KIRREL3: variants seen among roughly 807,000 people sequenced by gnomAD.
The protein encoded by KIRREL3 is kirre like nephrin family adhesion molecule 3, also known as kin of IRRE-like protein 3.
A neutral mutation model predicts 89.7 loss-of-function variants in KIRREL3; 36 were observed. The observed-to-expected ratio is 0.40, with a 90% CI of 0.31 to 0.53. The LOEUF (loss-of-function observed/expected upper bound fraction) is 0.53, where lower values mean the gene tolerates loss of function less well. Ranked by LOEUF, KIRREL3 falls within the 20% of genes least tolerant of loss-of-function variation. The pLI is 0.49. For missense variants in KIRREL3, 864 were observed against 1,056.6 expected (o/e 0.82, Z 2.53); for synonymous variants, 445 against 441.4 (o/e 1.01, Z -0.10).
Position 126,997,118 on chromosome 11 carries a change from G to A in KIRREL3, c.55+3337C>T, listed in dbSNP as rs1177697835. Among the ~76,000 whole-genome samples the A allele has an allele frequency of 6.6e-6, 1 of 152,182 alleles. No individual in the cohort carries two copies. Among genetic ancestry groups the A allele is most frequent in the Non-Finnish European group, 1.5e-5 (1 of 68,034 alleles). On this transcript the variant is annotated intron_variant, in intron 1 of 16. Transcript: ENST00000525144. This position sits in a 1 kb window ranked among gnomAD's most constrained non-coding sequence, Gnocchi z 4.3. ...CCTCCAAGCTACCTAAGCTGTGCAT[G>A]TGCAGGCTGGATGGGATGGGGCTTG... is the stretch of plus-strand genomic sequence containing the variant.
In KIRREL3 at chr11:126,544,059, C is replaced by G. The variant is rs1287763593; in HGVS notation, c.134-17372G>C. On this transcript the variant is annotated intron_variant, in intron 2 of 16. Coordinates refer to ENST00000525144, the MANE Select transcript of KIRREL3 (RefSeq NM_032531.4). The surrounding 1 kb of genome is among the most constrained non-coding windows in gnomAD (Gnocchi z 5.6). Reference sequence around the variant, plus strand: ...CACTCCTGTCTGCTCCCCAGGACAACTCTATTTTCCAGCATGGAGTGCCCC... The same window carrying G: ...CACTCCTGTCTGCTCCCCAGGACAAGTCTATTTTCCAGCATGGAGTGCCCC... The G allele has an allele frequency of 1.3e-5, 2 of 152,322 alleles. No homozygotes were observed. The highest frequency in any genetic ancestry group is 2.4e-5 in the African/African-American group (1 of 41,462). The allele number at this position is 152,322 out of a possible 1,614,324, so 9.4% of individuals were successfully genotyped here.
intron 4 of KIRREL3, among the ~76,000 whole-genome samples, chr11:126,500,609 G>A (rs1221448477): frequency 2.6e-5 from 4 of 152,028 alleles, no homozygotes; most frequent in South Asian, 4.2e-4. Flanking sequence ...GCGTGGTGGC[G>A]GGCACCTGTA....
At chr11:126,793,595 A>C (rs772013255) in intron 1 of KIRREL3, among the ~76,000 whole-genome samples, 35 of 152,220 alleles carry the variant, frequency 2.3e-4, no homozygotes, top group Non-Finnish European at 4.4e-4. Context: ...AGTGACTCAC[A>C]CAGAGGAACC....
rs1565486070 is a variant in KIRREL3 at position 126,477,612 on chromosome 11, C to CT, written c.434-4147dup. Among the ~76,000 whole-genome samples the CT allele has an allele frequency of 6.6e-6, 1 of 152,162 alleles. No homozygotes were observed. Among genetic ancestry groups the CT allele is most frequent in the South Asian group, 2.1e-4 (1 of 4,834 alleles). Reference sequence around the variant, plus strand: ...GGTTCTCTCTAACCTCTATACTCCCCTTTTTTTAGAGACAGTTTGCCAGGT... The same window carrying CT: ...GGTTCTCTCTAACCTCTATACTCCCCTTTTTTTTAGAGACAGTTTGCCAGGT... On this transcript the variant is annotated intron_variant, in intron 4 of 16. Transcript: ENST00000525144. The surrounding 1 kb of genome is among the most constrained non-coding windows in gnomAD (Gnocchi z 4.8).
In KIRREL3 at chr11:126,682,247, G is replaced by A. The variant is rs1186553987; in HGVS notation, c.56-119335C>T. ...TCAATTGCTGAAACACTTCTTAAAT[G>A]TGTTCCCTCCTATGCATTCTGCTAT... is the stretch of plus-strand genomic sequence containing the variant. On this transcript the variant is annotated intron_variant, in intron 1 of 16. Coordinates refer to ENST00000525144, the MANE Select transcript of KIRREL3 (RefSeq NM_032531.4). The surrounding 1 kb of genome is among the most constrained non-coding windows in gnomAD (Gnocchi z 4.8). 1.4e-5 allele frequency: 3 copies of A among 217,170 alleles called. No homozygotes were observed. Among genetic ancestry groups the A allele is most frequent in the Non-Finnish European group, 2.8e-5 (3 of 106,184 alleles). 13.5% of individuals were successfully genotyped at this position (217,170 alleles called of 1,614,324 possible). A position where few individuals can be genotyped will look rare whatever the true frequency, so the allele number is the denominator to read the frequency against.
At chr11:126,706,011 C>G (rs1468517265) in intron 1 of KIRREL3, among the ~76,000 whole-genome samples, 1 of 152,192 alleles carries the variant, frequency 6.6e-6, no homozygotes, top group Non-Finnish European at 1.5e-5. Flanking sequence ...AAACATAAGT[C>G]AAGCTCCTAG....
chr11:126,928,567 C>T (rs1407104563), intron 1 of KIRREL3, among the ~76,000 whole-genome samples: 3 of 152,092 alleles, frequency 2.0e-5, no homozygotes, highest in East Asian at 3.9e-4. Context: ...GGGACCCCGA[C>T]GTGGTGGCGA....
At chr11:126,938,098 T>C (rs1201337559) in intron 1 of KIRREL3, among the ~76,000 whole-genome samples, 1 of 152,232 alleles carries the variant, frequency 6.6e-6, no homozygotes, top group Non-Finnish European at 1.5e-5. Context: ...GTTTATACCA[T>C]TGTGGTTGGG....
chr11:126,933,930 C>G (rs1441054753), intron 1 of KIRREL3, among the ~76,000 whole-genome samples: 1 of 151,594 alleles, frequency 6.6e-6, no homozygotes, highest in East Asian at 1.9e-4. Flanking sequence ...TCTCAACAGG[C>G]TTTTTTCTCC....
intron 1 of KIRREL3, among the ~76,000 whole-genome samples, chr11:126,829,260 T>C (rs552228607): frequency 2.0e-4 from 30 of 152,240 alleles, no homozygotes; most frequent in Non-Finnish European, 1.0e-4. Context: ...CTGTCACGGG[T>C]GCTAATGGCA....
chr11:126,564,810 G>A lies in KIRREL3; in HGVS notation c.56-1898C>T, dbSNP rs748249561. 6.6e-5 allele frequency among the ~76,000 whole-genome samples: 10 copies of A among 152,208 alleles called. No individual in the cohort carries two copies. Among genetic ancestry groups the A allele is most frequent in the African/African-American group, 1.2e-4 (5 of 41,464 alleles). The stretch of plus-strand genomic sequence containing the variant: ...GGGGGCCAGTGGAAGTACAAGCTGC[G>A]AGGAGGTGCTGAGCTCCCTGGAACA... On this transcript the variant is annotated intron_variant, in intron 1 of 16. Coordinates refer to ENST00000525144, the MANE Select transcript of KIRREL3 (RefSeq NM_032531.4). The surrounding 1 kb of genome is among the most constrained non-coding windows in gnomAD (Gnocchi z 7.4).
intron 1 of KIRREL3, among the ~76,000 whole-genome samples, chr11:126,644,287 T>A (rs1286210617): frequency 6.6e-6 from 1 of 151,780 alleles, no homozygotes; most frequent in African/African-American, 2.4e-5. Context: ...GCTAATAGAG[T>A]TCAGGGACTG....
chr11:126,637,298 G>C (rs959233700), intron 1 of KIRREL3, among the ~76,000 whole-genome samples: 2 of 152,204 alleles, frequency 1.3e-5, no homozygotes, highest in Non-Finnish European at 1.5e-5. Flanking sequence ...CAGCATTAGT[G>C]AATCATGTTG....
chr11:126,719,851 G>C lies in KIRREL3; in HGVS notation c.56-156939C>G, dbSNP rs1240383465. Among the ~76,000 whole-genome samples the C allele has an allele frequency of 6.6e-6, 1 of 152,120 alleles. No homozygotes were observed. Among genetic ancestry groups the C allele is most frequent in the African/African-American group, 2.4e-5 (1 of 41,408 alleles). On this transcript the variant is annotated intron_variant, in intron 1 of 16. Coordinates refer to ENST00000525144, the MANE Select transcript of KIRREL3 (RefSeq NM_032531.4). This position sits in a 1 kb window ranked among gnomAD's most constrained non-coding sequence, Gnocchi z 4.7. Reference sequence around the variant, plus strand: ...CTGAGAGACGCCCTGCTTCTTCCCTGCTTCAGCCTCTTCTTAACCCAGTGG... The same window carrying C: ...CTGAGAGACGCCCTGCTTCTTCCCTCCTTCAGCCTCTTCTTAACCCAGTGG...
At chr11:126,728,949 A>G (rs1948502449) in intron 1 of KIRREL3, among the ~76,000 whole-genome samples, 1 of 152,206 alleles carries the variant, frequency 6.6e-6, no homozygotes, top group African/African-American at 2.4e-5. Context: ...TTCGGGGCAG[A>G]GGGAGGAGGG....
Position 126,782,361 on chromosome 11 carries a change from G to T in KIRREL3, c.55+218094C>A, listed in dbSNP as rs1950353255. On this transcript the variant is annotated intron_variant, in intron 1 of 16. Transcript: ENST00000525144. This position sits in a 1 kb window ranked among gnomAD's most constrained non-coding sequence, Gnocchi z 4.1. ...CCTGCAGCTTTGCCTGGCTTATTCA[G>T]ACTAATACAAAGATATAACTAACTG... is the stretch of plus-strand genomic sequence containing the variant. 6.6e-6 allele frequency among the ~76,000 whole-genome samples: 1 copy of T among 152,214 alleles called. No homozygotes were observed. Among genetic ancestry groups the T allele is most frequent in the African/African-American group, 2.4e-5 (1 of 41,448 alleles).
chr11:126,646,020 T>A (rs1944652250), intron 1 of KIRREL3, among the ~76,000 whole-genome samples: 1 of 152,212 alleles, frequency 6.6e-6, no homozygotes, highest in East Asian at 1.9e-4. Flanking sequence ...TCTTCATGAG[T>A]TACCACCAGA....
intron 4 of KIRREL3, among the ~76,000 whole-genome samples, chr11:126,479,100 T>C (rs1236363146): frequency 6.6e-6 from 1 of 152,006 alleles, no homozygotes; most frequent in Non-Finnish European, 1.5e-5. Context: ...CTTGGCTGAG[T>C]GGGGAGAAGG....
rs963337990 is a variant in KIRREL3, at chr11:126,570,094, TA to T, written c.56-7183del. 7.2e-5 allele frequency among the ~76,000 whole-genome samples: 11 copies of T among 152,288 alleles called. No homozygotes were observed. The highest frequency in any genetic ancestry group is 2.1e-4 in the South Asian group (1 of 4,820). ...GTAGCAAAGGTATATTAATCCTGAC[TA>T]GTGCCTGGCCCTGGACCTCCAGGAC... is the stretch of plus-strand genomic sequence containing the variant. On this transcript the variant is annotated intron_variant, in intron 1 of 16. Transcript: ENST00000525144. This position sits in a 1 kb window ranked among gnomAD's most constrained non-coding sequence, Gnocchi z 6.1.
Sources: allele counts gnomAD v4.1 joint callset (sites outside exome capture counted in the v4.1 genomes callset), GRCh38; gene constraint gnomAD v4.1.1; non-coding constraint Gnocchi (gnomAD v3.1); transcripts MANE v1.5; gene names NCBI Gene and HGNC (gene_info 2026-07-23, HGNC 2026-07-21).